The following MSN variants were observed in gnomAD, a reference collection of about 807,000 sequenced individuals.
MSN encodes the protein moesin.
In MSN, 2 loss-of-function variants were observed where a neutral mutation model predicts 48.0. That is an observed-to-expected ratio of 0.04 (90% CI 0.02 to 0.13). The LOEUF is 0.13. Ranked by LOEUF, MSN falls within the 10% of genes least tolerant of loss-of-function variation. MSN has a pLI of 1.00. For synonymous variants in MSN, 146 were observed against 166.9 expected (o/e 0.87, Z 0.97); for missense variants, 267 against 470.1 (o/e 0.57, Z 3.99).
intron 1 of MSN, among the ~76,000 whole-genome samples, chrX:65,639,209 T>C (rs1182883991): frequency 9.0e-6 from 1 of 111,149 alleles, no homozygotes; most frequent in African/African-American, 3.3e-5. Context: ...AATGGCATGA[T>C]CTTGGCTCAC....
intron 1 of MSN, among the ~76,000 whole-genome samples, chrX:65,622,507 T>C (rs1211558277): frequency 1.1e-5 from 1 of 94,938 alleles, no homozygotes; most frequent in Non-Finnish European, 2.0e-5. Flanking sequence ...GCTAGGCATC[T>C]TTGTTTTTTT....
chrX:65,597,784 A>G (rs1277517734), intron 1 of MSN, among the ~76,000 whole-genome samples: 1 of 112,167 alleles, frequency 8.9e-6, no homozygotes, highest in African/African-American at 3.2e-5. Flanking sequence ...TTTCCTATGC[A>G]TGGGCTTCAG....
At chrX:65,590,851 T>C (rs772850281) in intron 1 of MSN, among the ~76,000 whole-genome samples, 1 of 111,306 alleles carries the variant, frequency 9.0e-6, no homozygotes, top group South Asian at 3.8e-4. Context: ...AACGGTTTTG[T>C]TTACCACTGT....
At chrX:65,701,986 A>G (rs779823626) in intron 1 of MSN, among the ~76,000 whole-genome samples, 196 of 105,793 alleles carry the variant, frequency 1.9e-3, no homozygotes, top group African/African-American at 5.8e-3. Context: ...TCTTTTGTGG[A>G]TGTGGACCGT....
chrX:65,681,916 T>A (rs1248906369), intron 1 of MSN, among the ~76,000 whole-genome samples: 3 of 111,160 alleles, frequency 2.7e-5, no homozygotes, highest in African/African-American at 9.8e-5. Flanking sequence ...ACAGCCAGTT[T>A]TTTATTTTTT....
intron 2 of MSN, among the ~76,000 whole-genome samples, chrX:65,723,223 A>G (rs2071534862): frequency 1.8e-5 from 2 of 111,907 alleles, no homozygotes; most frequent in Non-Finnish European, 3.8e-5. Flanking sequence ...GTGGTTTAGT[A>G]TTCTAGAGCA....
chrX:65,603,108 A>G (rs1427519992), intron 1 of MSN, among the ~76,000 whole-genome samples: 3 of 111,956 alleles, frequency 2.7e-5, no homozygotes, highest in East Asian at 5.6e-4. Context: ...AGCCTGGCGA[A>G]CATGGTGAAA....
At chrX:65,658,327 G>A (rs1461283435) in intron 1 of MSN, among the ~76,000 whole-genome samples, 1 of 111,537 alleles carries the variant, frequency 9.0e-6, no homozygotes, top group Non-Finnish European at 1.9e-5. Flanking sequence ...GAGAGAGAAG[G>A]CCTCAGAGTG....
chrX:65,593,094 C>A (rs768787208), intron 1 of MSN, among the ~76,000 whole-genome samples: 4 of 111,075 alleles, frequency 3.6e-5, no homozygotes, highest in African/African-American at 6.5e-5. Context: ...TTATTTTTTC[C>A]AAACACTTTT....
At chrX:65,652,171 C>T (rs371041679) in intron 1 of MSN, among the ~76,000 whole-genome samples, 1 of 110,277 alleles carries the variant, frequency 9.1e-6, no homozygotes, top group African/African-American at 3.3e-5. Flanking sequence ...GCTAATCCAG[C>T]CCCCTGGAAG....
chrX:65,600,468 C>T (rs142303512), intron 1 of MSN, among the ~76,000 whole-genome samples: 106 of 112,060 alleles, frequency 9.5e-4, no homozygotes, highest in African/African-American at 3.3e-3. Flanking sequence ...TGCTCCCAAA[C>T]GTGCTTCTAA....
At chrX:65,680,639 A>G (rs1435930174) in intron 1 of MSN, among the ~76,000 whole-genome samples, 1 of 111,485 alleles carries the variant, frequency 9.0e-6, no homozygotes, top group African/African-American at 3.3e-5. Context: ...ATTTATTCCC[A>G]CATGTATGCT....
At chrX:65,691,786 G>A (rs768137909) in intron 1 of MSN, among the ~76,000 whole-genome samples, 7 of 112,266 alleles carry the variant, frequency 6.2e-5, no homozygotes, top group Non-Finnish European at 1.1e-4. Flanking sequence ...GATTACAGGC[G>A]TGAGCCACTG....
At chrX:65,621,964 C>T (rs1363723416) in intron 1 of MSN, among the ~76,000 whole-genome samples, 1 of 111,808 alleles carries the variant, frequency 8.9e-6, no homozygotes, top group Non-Finnish European at 1.9e-5. Flanking sequence ...TGTGTGTTGA[C>T]ATTGTACCCC....
intron 1 of MSN, among the ~76,000 whole-genome samples, chrX:65,713,463 G>C (rs754855007): frequency 1.8e-5 from 2 of 111,508 alleles, no homozygotes; most frequent in Non-Finnish European, 3.8e-5. Context: ...CACTGAAATG[G>C]TCTTTGGACC....
At chrX:65,683,144 A>G (rs1219796088) in intron 1 of MSN, among the ~76,000 whole-genome samples, 1 of 112,176 alleles carries the variant, frequency 8.9e-6, no homozygotes, top group Non-Finnish European at 1.9e-5. Context: ...TATTTGAGAC[A>G]TTACTCAATT....
Position 65,727,365 on chromosome X carries a change from G to A in MSN, c.97-449G>A, listed in dbSNP as rs147341121. On this transcript the variant is annotated intron_variant, in intron 2 of 12. Transcript: ENST00000360270. The stretch of plus-strand genomic sequence containing the variant: ...TGGGAAGTGGTGTGACATTGTAGAG[G>A]GAAGGAGGAGGTGGCAGAAATCACT... Among the ~76,000 whole-genome samples the A allele has an allele frequency of 7.3e-3, 813 of 111,686 alleles. 9 individuals carry two copies. Among genetic ancestry groups the A allele is most frequent in the African/African-American group, 0.024 (739 of 30,690 alleles).
chrX:65,673,289 T>C (rs2070960939), intron 1 of MSN, among the ~76,000 whole-genome samples: 1 of 111,501 alleles, frequency 9.0e-6, no homozygotes. Flanking sequence ...TTATTTCTGC[T>C]GAAAGGAAGG....
intron 2 of MSN, among the ~76,000 whole-genome samples, chrX:65,723,858 C>T (rs1476325245): frequency 1.8e-5 from 2 of 110,878 alleles, no homozygotes; most frequent in Non-Finnish European, 3.8e-5. Context: ...CTTCCCGCCA[C>T]GTCCTCAATT....
Sources: gnomAD v4.1 joint callset for allele counts (sites outside exome capture counted in the v4.1 genomes callset) on GRCh38, gnomAD v4.1.1 for gene constraint, MANE v1.5 for transcripts, NCBI Gene and HGNC (gene_info 2026-07-23, HGNC 2026-07-21) for gene names.